Variants in PDE4D observed in about 807,000 individuals in gnomAD.
PDE4D encodes 3',5'-cyclic-AMP phosphodiesterase 4D.
Under a neutral mutation model 87.4 loss-of-function variants are expected in PDE4D, and 24 were observed. That is an observed-to-expected ratio of 0.27 (90% CI 0.20 to 0.39). The LOEUF is 0.39. PDE4D is among the 10% of genes least tolerant of loss of function. PDE4D has a pLI of 1.00. For synonymous variants in PDE4D, 384 were observed against 383.2 expected, an observed-to-expected ratio of 1.00 and a Z score of -0.02; for missense variants, 714 against 1,041.0, an observed-to-expected ratio of 0.69 and a Z score of 4.32.
intron 11 of PDE4D, among the ~76,000 whole-genome samples, chr5:58,987,427 G>C (rs1176369346): frequency 6.6e-6 from 1 of 152,100 alleles, no homozygotes; most frequent in Non-Finnish European, 1.5e-5. Context: ...AGTATATTTT[G>C]CTATAGGATA....
At chr5:59,556,489 A>C (rs958429724) in intron 1 of PDE4D, among the ~76,000 whole-genome samples, 16 of 152,180 alleles carry the variant, frequency 1.1e-4, no homozygotes, top group African/African-American at 3.4e-4. Context: ...CTTTGCTGTG[A>C]AGCAGTGGGT....
intron 3 of PDE4D, among the ~76,000 whole-genome samples, chr5:59,945,169 G>A (rs531204834): frequency 9.3e-4 from 142 of 152,262 alleles, no homozygotes; most frequent in African/African-American, 3.2e-3. Flanking sequence ...ATTTTTCCGT[G>A]CTTCAGTGTA....
chr5:60,067,875 C>T (rs1377084769), intron 2 of PDE4D, among the ~76,000 whole-genome samples: 1 of 152,134 alleles, frequency 6.6e-6, no homozygotes, highest in Non-Finnish European at 1.5e-5. Flanking sequence ...TAAGTTTCAT[C>T]CATGTTGTTG....
chr5:59,688,464 T>A (rs1422017629), intron 1 of PDE4D, among the ~76,000 whole-genome samples: 3 of 152,172 alleles, frequency 2.0e-5, no homozygotes, highest in Admixed American at 1.3e-4. Flanking sequence ...TGCTCCTGAA[T>A]GACTACTGGG....
chr5:59,803,287 G>A (rs901203145), intron 1 of PDE4D, among the ~76,000 whole-genome samples: 2 of 151,010 alleles, frequency 1.3e-5, no homozygotes, highest in African/African-American at 4.9e-5. Flanking sequence ...AAAATTCTGG[G>A]GATGGGGCCT....
chr5:60,065,585 C>T (rs192750501), intron 2 of PDE4D, among the ~76,000 whole-genome samples: 34 of 152,112 alleles, frequency 2.2e-4, no homozygotes, highest in Admixed American at 5.9e-4. Context: ...TATCCCTCCC[C>T]GCTCCCCCGA....
chr5:59,517,368 C>G (rs1446823618), intron 1 of PDE4D, among the ~76,000 whole-genome samples: 2 of 152,130 alleles, frequency 1.3e-5, no homozygotes, highest in Non-Finnish European at 2.9e-5. Flanking sequence ...CTAATGCCGT[C>G]AAGAATGGCA....
At chr5:60,173,603 AG>A (rs1352945096) in intron 2 of PDE4D, among the ~76,000 whole-genome samples, 4 of 152,078 alleles carry the variant, frequency 2.6e-5, no homozygotes, top group African/African-American at 9.7e-5. Flanking sequence ...ATATGAATTT[AG>A]TATTTAAAGG....
At chr5:59,605,257 C>A (rs554243042) in intron 1 of PDE4D, among the ~76,000 whole-genome samples, 2 of 152,154 alleles carry the variant, frequency 1.3e-5, no homozygotes, top group African/African-American at 4.8e-5. Context: ...ATTGGCAATG[C>A]AAAAGTTTAT....
At chr5:60,272,087 C>T (rs561613572) in intron 1 of PDE4D, among the ~76,000 whole-genome samples, 1 of 152,278 alleles carries the variant, frequency 6.6e-6, no homozygotes, top group South Asian at 2.1e-4. Context: ...GTGCCAGGCT[C>T]CTCCTACAGA....
At chr5:59,140,711 G>A (rs1169076269) in intron 5 of PDE4D, among the ~76,000 whole-genome samples, 1 of 152,146 alleles carries the variant, frequency 6.6e-6, no homozygotes, top group Non-Finnish European at 1.5e-5. Context: ...CTGTATTCAA[G>A]TAGATACAAG....
At chr5:59,861,042 TG>T (rs1430254052) in intron 1 of PDE4D, among the ~76,000 whole-genome samples, 45 of 150,158 alleles carry the variant, frequency 3.0e-4, no homozygotes, top group African/African-American at 1.0e-3. Context: ...TTTTTTTTTT[TG>T]TATTTTTACT....
At chr5:60,090,774 AAACCTAAAGACTC>A (rs1775040236) in intron 2 of PDE4D, among the ~76,000 whole-genome samples, 1 of 152,212 alleles carries the variant, frequency 6.6e-6, no homozygotes, top group Non-Finnish European at 1.5e-5. Context: ...ATATTTAGGA[AAACCTAAAGACTC>A]AACCAAAACC....
intron 3 of PDE4D, among the ~76,000 whole-genome samples, chr5:59,905,317 G>A (rs1752699246): frequency 6.6e-6 from 1 of 152,044 alleles, no homozygotes; most frequent in Non-Finnish European, 1.5e-5. Flanking sequence ...ATGTGCAAGT[G>A]GTCCCTGTGC....
chr5:59,659,313 AC>A (rs760462311), intron 1 of PDE4D, among the ~76,000 whole-genome samples: 6 of 152,224 alleles, frequency 3.9e-5, no homozygotes, highest in Non-Finnish European at 7.3e-5. Context: ...GAAAAATAAA[AC>A]CCTAAAATAT....
At chr5:59,315,615 A>AG (rs914952817) in intron 1 of PDE4D, among the ~76,000 whole-genome samples, 17 of 152,178 alleles carry the variant, frequency 1.1e-4, no homozygotes, top group African/African-American at 4.1e-4. Flanking sequence ...GGCACCAGGG[A>AG]GGGGGAAATT....
chr5:59,148,825 T>G (rs908554574), intron 5 of PDE4D, among the ~76,000 whole-genome samples: 1 of 150,696 alleles, frequency 6.6e-6, no homozygotes, highest in Non-Finnish European at 1.5e-5. Flanking sequence ...TTTAAAAAAT[T>G]GATTCTGTTC....
At chr5:59,665,428 T>C (rs1465070066) in intron 1 of PDE4D, among the ~76,000 whole-genome samples, 1 of 152,194 alleles carries the variant, frequency 6.6e-6, no homozygotes, top group Non-Finnish European at 1.5e-5. Flanking sequence ...ACCATTTTTA[T>C]TTTTCCCAAC....
intron 5 of PDE4D, among the ~76,000 whole-genome samples, chr5:59,143,847 T>C (rs1436249541): frequency 6.6e-6 from 1 of 152,218 alleles, no homozygotes; most frequent in African/African-American, 2.4e-5. Context: ...TTGGAACCAA[T>C]AATAAATTGG....
Sources: allele counts gnomAD v4.1 joint callset (sites outside exome capture counted in the v4.1 genomes callset), GRCh38; gene constraint gnomAD v4.1.1; transcripts MANE v1.5; gene names NCBI Gene and HGNC (gene_info 2026-07-23, HGNC 2026-07-21).